Variants in RANBP17 observed in about 807,000 individuals in gnomAD.
RANBP17 encodes the protein ran-binding protein 17.
A neutral mutation model predicts 141.2 loss-of-function variants in RANBP17; 158 were observed. The ratio of observed to expected loss-of-function variants is 1.12; its 90% CI spans 0.98 to 1.28. The LOEUF (loss-of-function observed/expected upper bound fraction) is 1.28, where lower values mean the gene tolerates loss of function less well. Ranked by LOEUF, RANBP17 falls within the 50% of genes most tolerant of loss-of-function variation. RANBP17 has a pLI of 0.00. For missense variants in RANBP17, 1,438 were observed against 1,290.7 expected (o/e 1.11, Z -1.75); for synonymous variants, 430 against 450.0 (o/e 0.96, Z 0.56).
chr5:171,091,325 C>T (rs766676375), intron 14 of RANBP17, among the ~76,000 whole-genome samples: 1 of 151,674 alleles, frequency 6.6e-6, no homozygotes, highest in African/African-American at 2.4e-5. Flanking sequence ...GCGTTTAGCC[C>T]GTTTGTTTTG....
At chr5:171,008,909 G>A (rs1010238575) in intron 14 of RANBP17, among the ~76,000 whole-genome samples, 7 of 152,074 alleles carry the variant, frequency 4.6e-5, no homozygotes, top group African/African-American at 1.7e-4. Context: ...ATTTGTAAGC[G>A]TGTTTTGATG....
chr5:171,193,883 AT>A (rs1247609620), intron 18 of RANBP17, among the ~76,000 whole-genome samples: 1 of 152,196 alleles, frequency 6.6e-6, no homozygotes, highest in Non-Finnish European at 1.5e-5. Context: ...ACATAACCTA[AT>A]ATACTTACAG....
chr5:170,922,785 G>A (rs901779840), intron 11 of RANBP17, among the ~76,000 whole-genome samples: 2 of 152,040 alleles, frequency 1.3e-5, no homozygotes, highest in African/African-American at 2.4e-5. Context: ...TGGGTGAGGC[G>A]ACGCCCTGCC....
chr5:171,226,611 A>T (rs916366094), intron 22 of RANBP17, among the ~76,000 whole-genome samples: 2 of 152,012 alleles, frequency 1.3e-5, no homozygotes, highest in Non-Finnish European at 2.9e-5. Flanking sequence ...ATTGGTTTTC[A>T]CCCTTGGTTT....
chr5:170,996,954 G>A (rs565217249), intron 14 of RANBP17, among the ~76,000 whole-genome samples: 4 of 152,216 alleles, frequency 2.6e-5, no homozygotes, highest in African/African-American at 4.8e-5. Flanking sequence ...TGAATGATAC[G>A]GTTAAGCTTT....
At chr5:171,186,853 G>T (rs1394420234) in intron 18 of RANBP17, among the ~76,000 whole-genome samples, 1 of 151,754 alleles carries the variant, frequency 6.6e-6, no homozygotes, top group Non-Finnish European at 1.5e-5. Context: ...CAGCAATAGG[G>T]TTGTTTCACT....
intron 11 of RANBP17, 53 bp from the exon 12 acceptor site, chr5:170,924,304 A>G (rs1772731119): frequency 8.4e-7 from 1 of 1,191,136 alleles, no homozygotes; most frequent in South Asian, 1.8e-5. Context: ...TTTGTGGTGA[A>G]TAAAAGTGCT....
intron 14 of RANBP17, among the ~76,000 whole-genome samples, chr5:171,143,727 A>G (rs1757854518): frequency 6.6e-6 from 1 of 152,248 alleles, no homozygotes; most frequent in Non-Finnish European, 1.5e-5. Flanking sequence ...CAAATAATTG[A>G]CAGCACAGAA....
At chr5:171,189,436 A>G (rs528047052) in intron 18 of RANBP17, among the ~76,000 whole-genome samples, 3 of 152,362 alleles carry the variant, frequency 2.0e-5, no homozygotes, top group African/African-American at 7.2e-5. Flanking sequence ...CCTTCAAGGT[A>G]TGGACTATCT....
intron 14 of RANBP17, among the ~76,000 whole-genome samples, chr5:171,121,014 G>A (rs1305321904): frequency 6.6e-6 from 1 of 152,192 alleles, no homozygotes; most frequent in Non-Finnish European, 1.5e-5. Flanking sequence ...CACGCTAGTC[G>A]TGTATGCAAG....
intron 5 of RANBP17, among the ~76,000 whole-genome samples, chr5:170,905,446 A>AT (rs1272663245): frequency 3.9e-5 from 6 of 152,150 alleles, no homozygotes; most frequent in Non-Finnish European, 8.8e-5. Flanking sequence ...AGCCATGTGC[A>AT]TAAAAAAATA....
At chr5:171,047,632 G>T (rs1277012001) in intron 14 of RANBP17, among the ~76,000 whole-genome samples, 1 of 151,798 alleles carries the variant, frequency 6.6e-6, no homozygotes, top group Non-Finnish European at 1.5e-5. Flanking sequence ...TAGAGACAGG[G>T]TTTCACCATG....
At chr5:171,060,321 T>A (rs564075848) in intron 14 of RANBP17, among the ~76,000 whole-genome samples, 2,622 of 149,772 alleles carry the variant, frequency 0.018, 76 homozygotes, top group African/African-American at 0.06. Flanking sequence ...TAGCTCTTAT[T>A]ATTTTGAGAT....
intron 11 of RANBP17, among the ~76,000 whole-genome samples, chr5:170,921,503 G>C (rs1315619881): frequency 6.6e-6 from 1 of 151,648 alleles, no homozygotes. Flanking sequence ...TTGTAGTATA[G>C]TTTGAAGTCA....
At chr5:171,129,963 TG>T (rs926328988) in intron 14 of RANBP17, among the ~76,000 whole-genome samples, 5 of 152,290 alleles carry the variant, frequency 3.3e-5, no homozygotes, top group African/African-American at 1.2e-4. Context: ...GAAACTAATT[TG>T]TGCAACGTGA....
intron 14 of RANBP17, among the ~76,000 whole-genome samples, chr5:171,145,613 G>A (rs973435714): frequency 3.3e-5 from 5 of 152,024 alleles, no homozygotes; most frequent in Admixed American, 1.3e-4. Context: ...TTTTATCAGC[G>A]CAATAGAGAA....
intron 24 of RANBP17, among the ~76,000 whole-genome samples, chr5:171,248,227 C>T (rs182497715): frequency 3.0e-4 from 46 of 152,040 alleles, no homozygotes; most frequent in African/African-American, 8.0e-4. Flanking sequence ...ATTAGCTGGG[C>T]GTGGTGGCGG....
chr5:171,028,798 T>G, intron 14 of RANBP17: 2 of 691,300 alleles, frequency 2.9e-6, no homozygotes, highest in Non-Finnish European at 4.5e-6. Context: ...CTGCCTTTTT[T>G]CCCTCTCCTA....
chr5:171,117,088 A>T (rs1581671111), intron 14 of RANBP17, among the ~76,000 whole-genome samples: 1 of 152,156 alleles, frequency 6.6e-6, no homozygotes, highest in Non-Finnish European at 1.5e-5. Flanking sequence ...GGCTGATTCC[A>T]TATCTTGGCT....
Sources: allele counts gnomAD v4.1 joint callset (sites outside exome capture counted in the v4.1 genomes callset), GRCh38; gene constraint gnomAD v4.1.1; transcripts MANE v1.5; gene names NCBI Gene and HGNC (gene_info 2026-07-23, HGNC 2026-07-21).